The following ADGRL2 variants were observed in gnomAD, a reference collection of about 807,000 sequenced individuals.
ADGRL2 encodes calcium-independent alpha-latrotoxin receptor 2.
ADGRL2 carries 44 observed loss-of-function variants against 157.4 expected under a neutral mutation model. That is an observed-to-expected ratio of 0.28 (90% CI 0.22 to 0.36). ADGRL2 has a LOEUF of 0.36. ADGRL2 is among the 10% of genes least tolerant of loss of function. ADGRL2 has a pLI of 1.00. For synonymous variants in ADGRL2, 585 were observed against 624.7 expected (o/e 0.94, Z 0.95); for missense variants, 1,510 against 1,768.9 (o/e 0.85, Z 2.63).
At chr1:81,597,994 G>A (rs1418839110) in intron 3 of ADGRL2, among the ~76,000 whole-genome samples, 2 of 152,140 alleles carry the variant, frequency 1.3e-5, no homozygotes, top group African/African-American at 4.8e-5. Flanking sequence ...TAAAGAAGCT[G>A]GAATATTTAT....
chr1:81,950,036 G>A (rs1057443946), intron 6 of ADGRL2, among the ~76,000 whole-genome samples, 153 bp from the exon 7 acceptor site: 1 of 152,120 alleles, frequency 6.6e-6, no homozygotes, highest in Non-Finnish European at 1.5e-5. Flanking sequence ...TCTTACGAGC[G>A]ATATTGTCAG....
At chr1:81,729,893 T>C (rs2084662574) in intron 1 of ADGRL2, among the ~76,000 whole-genome samples, 1 of 152,238 alleles carries the variant, frequency 6.6e-6, no homozygotes, top group Admixed American at 6.5e-5. Context: ...TGCAGTTTCA[T>C]TACTTCTCCT....
At chr1:81,722,521 G>A (rs2084366926) in intron 1 of ADGRL2, 3 of 1,556,978 alleles carry the variant, frequency 1.9e-6, no homozygotes, top group African/African-American at 2.7e-5. Flanking sequence ...ACAGAGCCAT[G>A]AAATAAATCC....
upstream of ADGRL2, among the ~76,000 whole-genome samples, chr1:81,797,005 A>G (rs573382441): frequency 3.9e-5 from 6 of 152,276 alleles, no homozygotes; most frequent in South Asian, 1.2e-3. Flanking sequence ...GCCTACATGC[A>G]TGGCAAGGCA....
chr1:81,427,844 T>G (rs1219943953), intron 1 of ADGRL2, among the ~76,000 whole-genome samples: 6 of 152,232 alleles, frequency 3.9e-5, no homozygotes, highest in Admixed American at 3.9e-4. Context: ...ATTAATGCGA[T>G]GTAGTGTCAA....
chr1:81,377,892 C>T (rs1377342117), intron 1 of ADGRL2, among the ~76,000 whole-genome samples: 3 of 152,080 alleles, frequency 2.0e-5, no homozygotes, highest in Admixed American at 6.6e-5. Context: ...TTGAATACCA[C>T]GGGTGGTACC....
chr1:81,442,622 TTATG>T (rs2077528577), intron 1 of ADGRL2, among the ~76,000 whole-genome samples: 1 of 152,016 alleles, frequency 6.6e-6, no homozygotes, highest in Non-Finnish European at 1.5e-5. Flanking sequence ...ACCTTTACAG[TTATG>T]TTGGACCCTC....
At chr1:81,455,505 T>C in intron 2 of ADGRL2, among the ~76,000 whole-genome samples, 1 of 152,264 alleles carries the variant, frequency 6.6e-6, no homozygotes, top group Admixed American at 6.5e-5. Context: ...GTACTGAGCT[T>C]GTTATCTGTG....
At chr1:81,640,096 T>C (rs1182510643) in intron 3 of ADGRL2, among the ~76,000 whole-genome samples, 1 of 152,204 alleles carries the variant, frequency 6.6e-6, no homozygotes, top group Non-Finnish European at 1.5e-5. Context: ...GTCTCTCTGG[T>C]ACCCTGTATC....
At position 81,943,791 on chromosome 1, in the gene ADGRL2, T is replaced by TG. The variant is rs1648852883; in HGVS notation, c.1210+23dup. The TG allele has an allele frequency of 1.2e-5, 18 of 1,545,700 alleles. No individual in the cohort carries two copies. The highest frequency in any genetic ancestry group is 1.6e-5 in the Non-Finnish European group (18 of 1,138,104). On this transcript the variant is annotated intron_variant, in intron 6 of 23. Transcript: ENST00000686636. This position sits in a 1 kb window ranked among gnomAD's most constrained non-coding sequence, Gnocchi z 5.6. ...CAAGGTAAGCGTGTTTACTTGCTAA[T>TG]GCTTATGTCATTTTGTGAAAAGCAT...
At chr1:81,334,339 C>A (rs537318843) in intron 1 of ADGRL2, among the ~76,000 whole-genome samples, 2 of 152,260 alleles carry the variant, frequency 1.3e-5, no homozygotes, top group South Asian at 4.1e-4. Context: ...GATAAACAAA[C>A]TCTCAAAAGG....
intron 1 of ADGRL2, among the ~76,000 whole-genome samples, chr1:81,389,243 T>C (rs1044808401): frequency 6.6e-6 from 1 of 152,104 alleles, no homozygotes; most frequent in Non-Finnish European, 1.5e-5. Context: ...TAACCATTAT[T>C]AAAAAGAGAG....
intron 2 of ADGRL2, among the ~76,000 whole-genome samples, chr1:81,540,118 G>A (rs2079846411): frequency 6.6e-6 from 1 of 152,130 alleles, no homozygotes; most frequent in Non-Finnish European, 1.5e-5. Flanking sequence ...AATGAGTAAA[G>A]GGGAGGTGAA....
intron 2 of ADGRL2, among the ~76,000 whole-genome samples, chr1:81,542,141 A>G (rs2079900879): frequency 6.6e-6 from 1 of 152,220 alleles, no homozygotes; most frequent in Non-Finnish European, 1.5e-5. Context: ...CCTCATGCCC[A>G]TGGCCTAGGG....
At chr1:81,635,827 C>T (rs1201298259) in intron 3 of ADGRL2, among the ~76,000 whole-genome samples, 1 of 152,194 alleles carries the variant, frequency 6.6e-6, no homozygotes, top group Admixed American at 6.5e-5. Context: ...TAAAGAGCTC[C>T]CTGTCCCTTT....
chr1:81,553,680 T>C (rs983662732), intron 2 of ADGRL2, among the ~76,000 whole-genome samples: 1 of 152,204 alleles, frequency 6.6e-6, no homozygotes, highest in African/African-American at 2.4e-5. Context: ...GAATACAGCA[T>C]GTGCTTCATA....
rs1664877299 is a variant in ADGRL2 at position 81,993,083 on chromosome 1, A to ATTTTTTTT, written c.*1939_*1940insTTTTTTTT. ...CATATATATATATATATATATATAT[A>ATTTTTTTT]TATATTTTTTTTTTTTTTTTTTTTT... On this transcript the variant is annotated 3_prime_UTR_variant, in exon 24 of 24. Transcript: ENST00000686636. Among the ~76,000 whole-genome samples the ATTTTTTTT allele has an allele frequency of 3.2e-5, 1 of 31,086 alleles. No homozygotes were observed. The highest frequency in any genetic ancestry group is 1.6e-4 in the African/African-American group (1 of 6,264). The allele number at this position is 31,086 out of a possible 152,430, so 20.4% of individuals were successfully genotyped here.
intron 1 of ADGRL2, among the ~76,000 whole-genome samples, chr1:81,320,531 T>G (rs1660430717): frequency 6.6e-6 from 1 of 152,334 alleles, no homozygotes. Context: ...TCCTCCTTGA[T>G]TTATAGGCTG....
chr1:81,610,561 A>C (rs2081521313), intron 3 of ADGRL2, among the ~76,000 whole-genome samples: 1 of 152,174 alleles, frequency 6.6e-6, no homozygotes, highest in African/African-American at 2.4e-5. Context: ...ATGGGAATTT[A>C]TTGCAGAGTT....
Sources: allele counts gnomAD v4.1 joint callset (sites outside exome capture counted in the v4.1 genomes callset), GRCh38; gene constraint gnomAD v4.1.1; non-coding constraint Gnocchi (gnomAD v3.1); transcripts MANE v1.5; gene names NCBI Gene and HGNC (gene_info 2026-07-23, HGNC 2026-07-21).